The following CBR4 variants were observed in gnomAD, a reference collection of about 807,000 sequenced individuals.
CBR4 encodes carbonyl reductase 4.
A neutral mutation model predicts 21.0 loss-of-function variants in CBR4; 22 were observed. The observed-to-expected ratio is 1.05, with a 90% confidence interval of 0.75 to 1.50. The LOEUF is 1.50. Ranked by LOEUF, CBR4 falls within the 40% of genes most tolerant of loss-of-function variation. CBR4 has a pLI of 0.00. For missense variants in CBR4, 302 were observed against 286.3 expected (o/e 1.05, Z -0.40); for synonymous variants, 100 against 104.4 (o/e 0.96, Z 0.26).
At chr4:168,900,172 G>C (rs1756186676) in intron 2 of CBR4, among the ~76,000 whole-genome samples, 1 of 152,124 alleles carries the variant, frequency 6.6e-6, no homozygotes, top group African/African-American at 2.4e-5. Flanking sequence ...CAAGGGGATG[G>C]TGCTAAACCA....
At chr4:168,964,536 T>C (rs1434408140) in intron 2 of CBR4, among the ~76,000 whole-genome samples, 1 of 152,222 alleles carries the variant, frequency 6.6e-6, no homozygotes, top group Non-Finnish European at 1.5e-5. Flanking sequence ...GCAATACTCT[T>C]CATATCAAAG....
intron 2 of CBR4, among the ~76,000 whole-genome samples, chr4:168,909,313 A>T (rs1451791208): frequency 6.6e-6 from 1 of 152,178 alleles, no homozygotes; most frequent in Admixed American, 6.5e-5. Flanking sequence ...TTTTATGAAG[A>T]CCTGTGTGCC....
At chr4:168,977,961 G>C (rs1764422924) in intron 2 of CBR4, among the ~76,000 whole-genome samples, 1 of 151,970 alleles carries the variant, frequency 6.6e-6, no homozygotes, top group Non-Finnish European at 1.5e-5. Context: ...GGGTATTGCT[G>C]CACTGTTTGA....
intron 2 of CBR4, among the ~76,000 whole-genome samples, chr4:168,947,290 T>C (rs764575123): frequency 3.3e-5 from 5 of 152,230 alleles, no homozygotes; most frequent in Non-Finnish European, 7.3e-5. Context: ...TATCTATTGA[T>C]AAAAGCAGAC....
intron 2 of CBR4, among the ~76,000 whole-genome samples, chr4:168,945,765 C>T (rs1462647008): frequency 1.3e-5 from 2 of 152,126 alleles, no homozygotes; most frequent in African/African-American, 2.4e-5. Context: ...AAGGTAGTAC[C>T]TTGAGCCCTA....
chr4:168,976,014 T>A (rs1045319347), intron 2 of CBR4, among the ~76,000 whole-genome samples: 1 of 152,168 alleles, frequency 6.6e-6, no homozygotes, highest in African/African-American at 2.4e-5. Context: ...GCTACAAGCC[T>A]TCCTGCTGAG....
Position 169,006,959 on chromosome 4 carries a change from G to A in CBR4, c.264-68C>T, listed in dbSNP as rs111590912. On this transcript the variant is annotated intron_variant, in intron 2 of 4. Coordinates refer to ENST00000306193, the MANE Select transcript of CBR4 (RefSeq NM_032783.5). ...AAAAACCAAAAAGGTCAAGACTAAT[G>A]TAACATTTTTACTGAGAGTGCAAGA... 5.3e-3 allele frequency: 6,836 copies of A among 1,286,342 alleles called. 54 individuals carry two copies. The highest frequency in any genetic ancestry group is 0.019 in the African/African-American group (1,318 of 67,950). 79.7% of individuals were successfully genotyped at this position (1,286,342 alleles called of 1,614,324 possible).
intron 2 of CBR4, among the ~76,000 whole-genome samples, chr4:168,905,237 G>A (rs531289917): frequency 2.4e-4 from 30 of 124,458 alleles, no homozygotes; most frequent in African/African-American, 2.4e-4. Context: ...TGCAAGCTCC[G>A]CCTCCTGCGT....
chr4:168,940,320 C>T (rs1049099492), intron 2 of CBR4, among the ~76,000 whole-genome samples: 1 of 152,138 alleles, frequency 6.6e-6, no homozygotes, highest in Non-Finnish European at 1.5e-5. Flanking sequence ...AATGTAAGAC[C>T]TAAAACCATA....
chr4:168,913,862 C>A, intron 2 of CBR4: 2 of 1,020,528 alleles, frequency 2.0e-6, no homozygotes, highest in Non-Finnish European at 1.6e-6. Context: ...GGACAGTAGG[C>A]ATGATAGTGC....
chr4:168,898,604 G>T lies in CBR4; in HGVS notation n.170-3839C>A, dbSNP rs587780762. The stretch of plus-strand genomic sequence containing the variant: ...TGAAGTTCAGTATGGAGATGTGCCT[G>T]TGGAAAATGGAATGGCACCATTCTT... On this transcript the variant is annotated intron_variant and non_coding_transcript_variant, in intron 2 of 3. Transcript: ENST00000509108. 1 of 1,613,676 alleles carries T rather than the reference G, an allele frequency of 6.2e-7. No homozygotes were observed. Among genetic ancestry groups the T allele is most frequent in the Non-Finnish European group, 8.5e-7 (1 of 1,179,572 alleles).
chr4:168,987,103 T>C (rs1764716927), downstream of CBR4, among the ~76,000 whole-genome samples: 1 of 152,340 alleles, frequency 6.6e-6, no homozygotes, highest in Middle Eastern at 3.4e-3. Flanking sequence ...ACTGATACCA[T>C]CTCCATTTGG....
intron 2 of CBR4, among the ~76,000 whole-genome samples, chr4:168,961,978 G>T (rs1763873950): frequency 6.8e-6 from 1 of 146,080 alleles, no homozygotes; most frequent in African/African-American, 2.6e-5. Context: ...GAGAGGAGAG[G>T]AGAGGAGAGG....
chr4:168,939,097 C>G (rs547786339), intron 2 of CBR4, among the ~76,000 whole-genome samples: 5 of 152,188 alleles, frequency 3.3e-5, no homozygotes, highest in Non-Finnish European at 7.3e-5. Flanking sequence ...AGCTTATCTA[C>G]CACGATCAAG....
rs978973381 is a variant in CBR4 at position 168,937,718 on chromosome 4, G to A, written n.170-42953C>T. 5.3e-5 allele frequency among the ~76,000 whole-genome samples: 8 copies of A among 151,058 alleles called. No individual in the cohort carries two copies. In the East Asian group the frequency reaches 1.2e-3, roughly 22 times the overall value. ...ACAAAGATCAAAAGAGACAAAGAAC[G>A]GCATTACATAATGGTAAAGGGATCA... On this transcript the variant is annotated intron_variant and non_coding_transcript_variant, in intron 2 of 3. Coordinates refer to the CBR4 transcript ENST00000509108.
intron 2 of CBR4, among the ~76,000 whole-genome samples, chr4:168,971,547 G>A (rs1356820195): frequency 6.7e-6 from 1 of 149,868 alleles, no homozygotes; most frequent in Non-Finnish European, 1.5e-5. Context: ...GCCTCCCAAA[G>A]TGCTGGGATT....
At chr4:168,931,876 ATCC>A (rs1473065504) in intron 2 of CBR4, among the ~76,000 whole-genome samples, 1 of 152,194 alleles carries the variant, frequency 6.6e-6, no homozygotes, top group African/African-American at 2.4e-5. Flanking sequence ...ACAGTACTGC[ATCC>A]ACCTAGAACC....
intron 2 of CBR4, among the ~76,000 whole-genome samples, chr4:168,942,763 C>A (rs1358311328): frequency 6.6e-6 from 1 of 152,038 alleles, no homozygotes; most frequent in Non-Finnish European, 1.5e-5. Context: ...GCAAAGAATT[C>A]AAACATTTCA....
chr4:168,926,467 C>A, intron 2 of CBR4: 2 of 930,668 alleles, frequency 2.1e-6, no homozygotes, highest in Non-Finnish European at 3.2e-6. Context: ...ATGTAAAAGG[C>A]AGAAACATAC....
Sources: allele counts gnomAD v4.1 joint callset (sites outside exome capture counted in the v4.1 genomes callset), GRCh38; gene constraint gnomAD v4.1.1; transcripts MANE v1.5; gene names NCBI Gene and HGNC (gene_info 2026-07-23, HGNC 2026-07-21).